BRIP1: variants seen among roughly 807,000 people sequenced by gnomAD.
BRIP1 encodes Fanconi anemia group J protein.
A neutral mutation model predicts 119.7 loss-of-function variants in BRIP1; 88 were observed. The observed-to-expected ratio is 0.74, with a 90% CI of 0.62 to 0.88. BRIP1 has a LOEUF of 0.88. Ranked by LOEUF, BRIP1 falls within the 40% of genes least tolerant of loss-of-function variation. The pLI is 0.00. For synonymous variants in BRIP1, 443 were observed against 496.5 expected (o/e 0.89, Z 1.43); for missense variants, 1,259 against 1,455.4 (o/e 0.87, Z 2.20).
chr17:61,719,874 A>C (rs2061944519), intron 16 of BRIP1, among the ~76,000 whole-genome samples: 1 of 152,072 alleles, frequency 6.6e-6, no homozygotes, highest in East Asian at 1.9e-4. Flanking sequence ...TGTCCCCCAG[A>C]CTGGACGGCA....
At position 61,758,733 on chromosome 17, in the gene BRIP1, C is replaced by G. The variant is rs1184308443; in HGVS notation, c.2098-14142G>C. Among the ~76,000 whole-genome samples, 2 of 151,948 alleles carry G rather than the reference C, an allele frequency of 1.3e-5. No homozygotes were observed. Among genetic ancestry groups the G allele is most frequent in the Non-Finnish European group, 2.9e-5 (2 of 67,996 alleles). Reference sequence around the variant, plus strand: ...GGCGTGGTCACTCATGCCTGTAATTCCAGCACTTTAGGAGGCTGAGGCAGA... The same window carrying G: ...GGCGTGGTCACTCATGCCTGTAATTGCAGCACTTTAGGAGGCTGAGGCAGA... On this transcript the variant is annotated intron_variant, in intron 14 of 19. Coordinates refer to ENST00000259008, the MANE Select transcript of BRIP1 (RefSeq NM_032043.3). This position sits in a 1 kb window ranked among gnomAD's most constrained non-coding sequence, Gnocchi z 5.3.
In BRIP1 at chr17:61,847,144, A is replaced by G. The variant is rs4988347; in HGVS notation, c.584T>C (p.Leu195Pro). 3,615 of 1,613,712 alleles carry G rather than the reference A, an allele frequency of 2.2e-3. 7 individuals carry two copies. The highest frequency in any genetic ancestry group is 2.4e-3 in the Non-Finnish European group (2,836 of 1,179,684). The change falls in exon 6 of 20, where the codon CTC becomes CCC. Residue 195 changes from leucine to proline, a missense_variant. By Grantham distance (98) the Leu-to-Pro change is moderately conservative. Transcript: ENST00000259008. ...AKVDSGKTVK[L>P]NSPLEKINSF... ...GTTTATCTTTTCCAGTGGAGAGTTG[A>G]GTTTTACAGTCTTTCCTGAATCAAC...
chr17:61,686,183 C>T lies in BRIP1; in HGVS notation c.2576-18G>A, dbSNP rs1369955810. The stretch of plus-strand genomic sequence containing the variant: ...AGAAAGTCCTAAAGAAAAAGGTAAA[C>T]CCAGGGAAAATTTGGTTACTTAGTT... On this transcript the variant is annotated intron_variant, in intron 18 of 19. Transcript: ENST00000259008. The surrounding 1 kb of genome is among the most constrained non-coding windows in gnomAD (Gnocchi z 5.4). The T allele has an allele frequency of 1.2e-6, 2 of 1,612,084 alleles. No homozygotes were observed. The highest frequency in any genetic ancestry group is 1.7e-6 in the Non-Finnish European group (2 of 1,178,274).
Position 61,753,763 on chromosome 17 carries a change from G to A in BRIP1, c.2098-9172C>T, listed in dbSNP as rs2077164719. On this transcript the variant is annotated intron_variant, in intron 14 of 19. Transcript: ENST00000259008. This position sits in a 1 kb window ranked among gnomAD's most constrained non-coding sequence, Gnocchi z 4.6. ...ACTACAGGTATGCACTGCCATGTCT[G>A]GCTTGAAAAGAACAACAACAACAAC... Among the ~76,000 whole-genome samples, 1 of 151,764 alleles carries A rather than the reference G, an allele frequency of 6.6e-6. No individual in the cohort carries two copies. Among genetic ancestry groups the A allele is most frequent in the Non-Finnish European group, 1.5e-5 (1 of 67,956 alleles).
At position 61,700,087 on chromosome 17, in the gene BRIP1, T is replaced by G. The variant is rs1168831164; in HGVS notation, c.2493-6575A>C. Among the ~76,000 whole-genome samples the G allele has an allele frequency of 6.6e-6, 1 of 152,200 alleles. No individual in the cohort carries two copies. The highest frequency in any genetic ancestry group is 1.9e-4 in the East Asian group (1 of 5,200). Reference sequence around the variant, plus strand: ...TAATAAATCCTAGCCATGTATACAGTTATATCCTGAGGCTATCTAACTGTT... The same window carrying G: ...TAATAAATCCTAGCCATGTATACAGGTATATCCTGAGGCTATCTAACTGTT... On this transcript the variant is annotated intron_variant, in intron 17 of 19. Transcript: ENST00000259008. This position sits in a 1 kb window ranked among gnomAD's most constrained non-coding sequence, Gnocchi z 4.1.
In BRIP1 at chr17:61,861,025, T is replaced by C. The variant is rs1272765421; in HGVS notation, c.93+422A>G. Reference sequence around the variant, plus strand: ...AGGATACTAATAATCTTGTTACCAGTAAATAAGATATGAAGTACATATGGC... The same window carrying C: ...AGGATACTAATAATCTTGTTACCAGCAAATAAGATATGAAGTACATATGGC... On this transcript the variant is annotated intron_variant, in intron 2 of 19. Coordinates refer to ENST00000259008, the MANE Select transcript of BRIP1 (RefSeq NM_032043.3). The surrounding 1 kb of genome is among the most constrained non-coding windows in gnomAD (Gnocchi z 4.5). 6.6e-6 allele frequency among the ~76,000 whole-genome samples: 1 copy of C among 152,072 alleles called. No individual in the cohort carries two copies. Among genetic ancestry groups the C allele is most frequent in the African/African-American group, 2.4e-5 (1 of 41,406 alleles).
Position 61,680,718 on chromosome 17 carries a change from A to C in BRIP1, c.*2578T>G, listed in dbSNP as rs546799308. 5.1e-4 allele frequency among the ~76,000 whole-genome samples: 77 copies of C among 152,148 alleles called. No individual in the cohort carries two copies. Among genetic ancestry groups the C allele is most frequent in the Non-Finnish European group, 4.4e-5 (3 of 67,966 alleles). On this transcript the variant is annotated 3_prime_UTR_variant, in exon 20 of 20. Coordinates refer to ENST00000259008, the MANE Select transcript of BRIP1 (RefSeq NM_032043.3). ...ATGGTCTCGATCTCCTGACCTCGTG[A>C]TCCGCCCGCCTCGGCCTCCCAAAGT...
Position 61,808,101 on chromosome 17 carries a change from T to C in BRIP1, c.918+366A>G, listed in dbSNP as rs1315184779. 1.3e-5 allele frequency among the ~76,000 whole-genome samples: 2 copies of C among 152,202 alleles called. No individual in the cohort carries two copies. Among genetic ancestry groups the C allele is most frequent in the African/African-American group, 4.8e-5 (2 of 41,470 alleles). ...TATCTGCTTTTGAAGTTTTTAAGTATATAAAGTATATTAATTAGATCTAAT... is the reference window on the plus strand; with the variant it reads ...TATCTGCTTTTGAAGTTTTTAAGTACATAAAGTATATTAATTAGATCTAAT... On this transcript the variant is annotated intron_variant, in intron 7 of 19. Coordinates refer to ENST00000259008, the MANE Select transcript of BRIP1 (RefSeq NM_032043.3). This position sits in a 1 kb window ranked among gnomAD's most constrained non-coding sequence, Gnocchi z 4.1.
intron 14 of BRIP1, among the ~76,000 whole-genome samples, chr17:61,773,356 A>G (rs944759995): frequency 2.6e-5 from 4 of 152,206 alleles, no homozygotes; most frequent in African/African-American, 9.6e-5. Flanking sequence ...CTGGCTAGCC[A>G]TATGTAGAAA....
chr17:61,856,449 T>C lies in BRIP1; in HGVS notation c.379+609A>G, dbSNP rs1448926706. ...GTACCAATGGATATGGAGATGTACA[T>C]GAAGAAATAAGAAAGAGCAAAGTGT... is the stretch of plus-strand genomic sequence containing the variant. On this transcript the variant is annotated intron_variant, in intron 4 of 19. Transcript: ENST00000259008. The surrounding 1 kb of genome is among the most constrained non-coding windows in gnomAD (Gnocchi z 5.1). Among the ~76,000 whole-genome samples the C allele has an allele frequency of 6.6e-6, 1 of 152,192 alleles. No individual in the cohort carries two copies. Among genetic ancestry groups the C allele is most frequent in the Non-Finnish European group, 1.5e-5 (1 of 68,036 alleles).
Position 61,686,171 on chromosome 17 carries a change from G to C in BRIP1, c.2576-6C>G, listed in dbSNP as rs2144119052. 1 of 1,613,790 alleles carries C rather than the reference G, an allele frequency of 6.2e-7. No individual in the cohort carries two copies. Among genetic ancestry groups the C allele is most frequent in the African/African-American group, 1.3e-5 (1 of 75,026 alleles). ...CCGTACCCATTTAGAAAGTCCTAAA[G>C]AAAAAGGTAAACCCAGGGAAAATTT... On this transcript the variant is annotated splice_polypyrimidine_tract_variant and splice_region_variant and intron_variant, in intron 18 of 19. Transcript: ENST00000259008. This position sits in a 1 kb window ranked among gnomAD's most constrained non-coding sequence, Gnocchi z 5.4.
chr17:61,779,886 A>G (rs1257818620), intron 13 of BRIP1, among the ~76,000 whole-genome samples: 1 of 152,118 alleles, frequency 6.6e-6, no homozygotes, highest in Non-Finnish European at 1.5e-5. Flanking sequence ...AACACGAGTG[A>G]GCCAAGATCA....
intron 4 of BRIP1, 103 bp from the exon 5 acceptor site, chr17:61,849,359 T>G: frequency 1.0e-6 from 1 of 959,932 alleles, no homozygotes; most frequent in Non-Finnish European, 1.6e-6. Context: ...TCTAGAAATT[T>G]CATACCATAA....
intron 16 of BRIP1, among the ~76,000 whole-genome samples, chr17:61,721,744 C>A (rs7213759): frequency 0.73 from 99,584 of 135,644 alleles, 36,839 homozygotes; most frequent in Middle Eastern, 0.83. Flanking sequence ...GTCACCCAGG[C>A]TGAAGTGCAG....
Position 61,680,896 on chromosome 17 carries a change from C to T in BRIP1, c.*2400G>A, listed in dbSNP as rs1319744929. Among the ~76,000 whole-genome samples the T allele has an allele frequency of 2.6e-5, 4 of 152,136 alleles. No homozygotes were observed. The highest frequency in any genetic ancestry group is 1.3e-4 in the Admixed American group (2 of 15,272). On this transcript the variant is annotated 3_prime_UTR_variant, in exon 20 of 20. Coordinates refer to ENST00000259008, the MANE Select transcript of BRIP1 (RefSeq NM_032043.3). Reference sequence around the variant, plus strand: ...TCTGTGTCAGTCTGTTCTCATGCTGCTAATAAAGTCATACCCAAGACTGGG... The same window carrying T: ...TCTGTGTCAGTCTGTTCTCATGCTGTTAATAAAGTCATACCCAAGACTGGG...
rs1419724289 is a variant in BRIP1, at chr17:61,752,244, G to C, written c.2098-7653C>G. On this transcript the variant is annotated intron_variant, in intron 14 of 19. Transcript: ENST00000259008. The surrounding 1 kb of genome is among the most constrained non-coding windows in gnomAD (Gnocchi z 6.2). ...ACAACATTAGTCTGATTATTAATAT[G>C]ATGAGTTAGAGGAGGGGTTATAACA... 6.6e-6 allele frequency among the ~76,000 whole-genome samples: 1 copy of C among 152,070 alleles called. No homozygotes were observed. Among genetic ancestry groups the C allele is most frequent in the African/African-American group, 2.4e-5 (1 of 41,404 alleles).
In BRIP1 at chr17:61,726,530, G is replaced by A. The variant is rs1210233624; in HGVS notation, c.2380-10467C>T. On this transcript the variant is annotated intron_variant, in intron 16 of 19. Coordinates refer to ENST00000259008, the MANE Select transcript of BRIP1 (RefSeq NM_032043.3). This position sits in a 1 kb window ranked among gnomAD's most constrained non-coding sequence, Gnocchi z 6.2. The stretch of plus-strand genomic sequence containing the variant: ...GACCGATTCCTTCTGAAAGAGCTCT[G>A]ACTACATTATTCAATGTTTGGCACA... Among the ~76,000 whole-genome samples the A allele has an allele frequency of 6.6e-6, 1 of 152,130 alleles. No individual in the cohort carries two copies. Among genetic ancestry groups the A allele is most frequent in the African/African-American group, 2.4e-5 (1 of 41,418 alleles).
rs1303686669 is a variant in BRIP1, at chr17:61,796,100, T to C, written c.1341-2371A>G. On this transcript the variant is annotated intron_variant, in intron 9 of 19. Transcript: ENST00000259008. The surrounding 1 kb of genome is among the most constrained non-coding windows in gnomAD (Gnocchi z 4.8). The stretch of plus-strand genomic sequence containing the variant: ...ATCTTTTGTCCATTTTTAATTAGAT[T>C]ATTAGATTTTTTCCTACAGAGTTGT... 6.6e-6 allele frequency among the ~76,000 whole-genome samples: 1 copy of C among 152,128 alleles called. No homozygotes were observed. The highest frequency in any genetic ancestry group is 1.9e-4 in the East Asian group (1 of 5,200).
Position 61,744,722 on chromosome 17 carries a change from G to A in BRIP1, c.2098-131C>T. ...TGTCTTTTCTCATTTATAAAATGAGGAAAACAATATATCTCATAGAGCTGT... is the reference window on the plus strand; with the variant it reads ...TGTCTTTTCTCATTTATAAAATGAGAAAAACAATATATCTCATAGAGCTGT... On this transcript the variant is annotated intron_variant, in intron 14 of 19. Transcript: ENST00000259008. This position sits in a 1 kb window ranked among gnomAD's most constrained non-coding sequence, Gnocchi z 5.0. 5.9e-6 allele frequency: 5 copies of A among 840,624 alleles called. No homozygotes were observed. Among genetic ancestry groups the A allele is most frequent in the South Asian group, 1.5e-5 (1 of 66,858 alleles). 52.1% of individuals were successfully genotyped at this position (840,624 alleles called of 1,614,324 possible).
Sources: gnomAD v4.1 joint callset for allele counts (sites outside exome capture counted in the v4.1 genomes callset) on GRCh38, gnomAD v4.1.1 for gene constraint, Gnocchi (gnomAD v3.1) non-coding constraint, MANE v1.5 for transcripts, NCBI Gene and HGNC (gene_info 2026-07-23, HGNC 2026-07-21) for gene names.